Variants in OSBPL8 observed in about 807,000 individuals in gnomAD.
The protein encoded by OSBPL8 is oxysterol binding protein like 8.
In OSBPL8, 59 loss-of-function variants were observed where a neutral mutation model predicts 125.5. The ratio of observed to expected loss-of-function variants is 0.47; its 90% CI spans 0.38 to 0.58. The LOEUF is 0.58. OSBPL8 is among the 20% of genes least tolerant of loss of function. The probability of loss-of-function intolerance (pLI) is 0.00; values close to 1 mark genes in which losing one functional copy is unlikely to be tolerated. For synonymous variants in OSBPL8, 330 were observed against 338.9 expected (o/e 0.97, Z 0.29); for missense variants, 758 against 1,047.8 (o/e 0.72, Z 3.82).
chr12:76,431,786 G>A (rs1870858441), intron 4 of OSBPL8, among the ~76,000 whole-genome samples: 1 of 151,844 alleles, frequency 6.6e-6, no homozygotes, highest in African/African-American at 2.4e-5. Context: ...GAAATAGACA[G>A]CAATATGATA....
At chr12:76,472,361 C>T (rs1350341275) in intron 2 of OSBPL8, among the ~76,000 whole-genome samples, 1 of 152,218 alleles carries the variant, frequency 6.6e-6, no homozygotes, top group East Asian at 1.9e-4. Flanking sequence ...TATTCTGCTA[C>T]CACTACTGTA....
chr12:76,483,894 T>C (rs1316905324), intron 2 of OSBPL8, among the ~76,000 whole-genome samples: 1 of 151,862 alleles, frequency 6.6e-6, no homozygotes, highest in Admixed American at 6.6e-5. Flanking sequence ...AGGCTGGTTT[T>C]GAACTCCTGA....
At chr12:76,392,467 A>G (rs983526134) in intron 10 of OSBPL8, 114 bp downstream of exon 10, 1 of 895,372 alleles carries the variant, frequency 1.1e-6, no homozygotes, top group Admixed American at 2.5e-5. Flanking sequence ...ATATAATGGG[A>G]AGATATGCAA....
chr12:76,397,712 T>C lies in OSBPL8; in HGVS notation c.654A>G (p.Gln218=), dbSNP rs372256770. ...FCFKLFHPLE[Q]SIWAVKGPKG... Reference sequence around the variant, plus strand: ...TACATACCTTCACTGCCCAAATAGATTGCTCCAAAGGATGGAAAAGTTTGA... The same window carrying C: ...TACATACCTTCACTGCCCAAATAGACTGCTCCAAAGGATGGAAAAGTTTGA... Residue 218 remains glutamine (Q), a synonymous_variant, in exon 8 of 24, where the codon CAA becomes CAG. Transcript: ENST00000261183. 6 of 1,613,914 alleles carry C rather than the reference T, an allele frequency of 3.7e-6. No homozygotes were observed. The highest frequency in any genetic ancestry group is 1.3e-5 in the African/African-American group (1 of 74,906).
chr12:76,473,347 C>CCTGGGCACCTAGGTGG (rs1401812760), intron 2 of OSBPL8, among the ~76,000 whole-genome samples: 1 of 152,094 alleles, frequency 6.6e-6, no homozygotes, highest in Non-Finnish European at 1.5e-5. Context: ...CGGTCTCTTG[C>CCTGGGCACCTAGGTGG]CTGGGCACCT....
intron 1 of OSBPL8, among the ~76,000 whole-genome samples, chr12:76,490,174 T>G (rs747205419): frequency 6.6e-6 from 1 of 152,214 alleles, no homozygotes; most frequent in Non-Finnish European, 1.5e-5. Flanking sequence ...AATCTACTCC[T>G]GGTAAAGATG....
At chr12:76,557,945 T>G (rs1257697197) in intron 1 of OSBPL8, among the ~76,000 whole-genome samples, 1 of 152,216 alleles carries the variant, frequency 6.6e-6, no homozygotes, top group Non-Finnish European at 1.5e-5. Flanking sequence ...CCATTTTTAA[T>G]TAAACAGGCA....
chr12:76,375,960 T>C (rs1328297530), intron 16 of OSBPL8, among the ~76,000 whole-genome samples: 36 of 152,156 alleles, frequency 2.4e-4, no homozygotes, highest in Admixed American at 2.4e-3. Context: ...GTTAGTTCAA[T>C]GTTAATGAAT....
At chr12:76,413,123 G>GA in intron 4 of OSBPL8, among the ~76,000 whole-genome samples, 1 of 152,188 alleles carries the variant, frequency 6.6e-6, no homozygotes, top group African/African-American at 2.4e-5. Context: ...AAAGGTTTTA[G>GA]AAAATGTGAA....
At chr12:76,375,509 T>A (rs1309148813) in intron 16 of OSBPL8, 139 bp from the exon 17 acceptor site, 1 of 581,858 alleles carries the variant, frequency 1.7e-6, no homozygotes, top group Non-Finnish European at 3.0e-6. Flanking sequence ...AAAACTATAA[T>A]ATAGACATAC....
chr12:76,559,111 A>T (rs927339299), intron 1 of OSBPL8, among the ~76,000 whole-genome samples: 1 of 152,132 alleles, frequency 6.6e-6, no homozygotes, highest in African/African-American at 2.4e-5. Flanking sequence ...CAGGAGGGAC[A>T]GACACCCGGG....
intron 1 of OSBPL8, among the ~76,000 whole-genome samples, chr12:76,536,228 T>G (rs931720318): frequency 5.3e-5 from 8 of 152,126 alleles, no homozygotes; most frequent in African/African-American, 1.9e-4. Context: ...GGCTCACACT[T>G]GTAATCCTAG....
chr12:76,368,666 T>C (rs1485553641), intron 21 of OSBPL8, among the ~76,000 whole-genome samples: 1 of 152,156 alleles, frequency 6.6e-6, no homozygotes, highest in Non-Finnish European at 1.5e-5. Context: ...TGCTTGCTTA[T>C]ATCTGCTTTT....
intron 1 of OSBPL8, among the ~76,000 whole-genome samples, chr12:76,508,721 T>C (rs1358189050): frequency 1.3e-5 from 2 of 152,240 alleles, no homozygotes; most frequent in East Asian, 3.8e-4. Context: ...TATAGTATAA[T>C]GTATTAGCAT....
At chr12:76,529,380 C>T (rs143978859) in intron 1 of OSBPL8, among the ~76,000 whole-genome samples, 1 of 152,178 alleles carries the variant, frequency 6.6e-6, no homozygotes, top group East Asian at 1.9e-4. Context: ...TTGTAGAAAC[C>T]TAATCAAAGC....
chr12:76,400,600 T>G (rs1246817465), intron 6 of OSBPL8, among the ~76,000 whole-genome samples: 1 of 152,136 alleles, frequency 6.6e-6, no homozygotes, highest in Admixed American at 6.5e-5. Context: ...AATCTAGTAT[T>G]CTAAAGAGGT....
chr12:76,474,894 C>T (rs1876612537), intron 2 of OSBPL8, among the ~76,000 whole-genome samples: 1 of 152,164 alleles, frequency 6.6e-6, no homozygotes, highest in Non-Finnish European at 1.5e-5. Context: ...TATTTTCACC[C>T]TATTAAACTT....
chr12:76,480,952 T>C (rs1203115113), intron 2 of OSBPL8, among the ~76,000 whole-genome samples: 3 of 152,160 alleles, frequency 2.0e-5, no homozygotes, highest in Non-Finnish European at 4.4e-5. Flanking sequence ...GTTATGTAAC[T>C]GAGCTCAATG....
chr12:76,359,968 C>T (rs1485864485), intron 21 of OSBPL8, among the ~76,000 whole-genome samples: 1 of 152,088 alleles, frequency 6.6e-6, no homozygotes, highest in Non-Finnish European at 1.5e-5. Flanking sequence ...GACACAGAGC[C>T]AAATCGTATC....
Sources: allele counts gnomAD v4.1 joint callset (sites outside exome capture counted in the v4.1 genomes callset), GRCh38; gene constraint gnomAD v4.1.1; transcripts MANE v1.5; gene names NCBI Gene and HGNC (gene_info 2026-07-23, HGNC 2026-07-21).